Variants in ARHGAP6 observed in about 807,000 individuals in gnomAD.
ARHGAP6 encodes the protein rho GTPase-activating protein 6.
ARHGAP6 carries 16 observed loss-of-function variants against 55.7 expected under a neutral mutation model. The observed-to-expected ratio is 0.29, with a 90% CI of 0.19 to 0.44. ARHGAP6 has a LOEUF of 0.44. ARHGAP6 is among the 20% of genes least tolerant of loss of function. The probability of loss-of-function intolerance (pLI) is 1.00; values close to 1 mark genes in which losing one functional copy is unlikely to be tolerated. For synonymous variants in ARHGAP6, 382 were observed against 360.9 expected (o/e 1.06, Z -0.66); for missense variants, 698 against 808.9 (o/e 0.86, Z 1.66).
At chrX:11,596,959 G>A (rs2051911176) in intron 1 of ARHGAP6, among the ~76,000 whole-genome samples, 1 of 111,544 alleles carries the variant, frequency 9.0e-6, no homozygotes, top group African/African-American at 3.3e-5. Context: ...TGATCAACTC[G>A]TACCAGTTTT....
Position 11,374,986 on chromosome X carries a change from A to C in ARHGAP6, c.589-120279T>G, listed in dbSNP as rs770216561. Among the ~76,000 whole-genome samples, 8 of 112,327 alleles carry C rather than the reference A, an allele frequency of 7.1e-5. No homozygotes were observed. In the East Asian group the frequency reaches 2.2e-3, roughly 31 times the overall value. ...CTTGTCAGTCTCCCTATTCTACAGC[A>C]TAATCTCTTTAAAAGAAAGTATTGT... On this transcript the variant is annotated intron_variant, in intron 1 of 12. Transcript: ENST00000337414.
intron 1 of ARHGAP6, among the ~76,000 whole-genome samples, chrX:11,534,450 T>TTTC (rs1251651706): frequency 9.0e-6 from 1 of 111,273 alleles, no homozygotes; most frequent in Non-Finnish European, 1.9e-5. Context: ...TGGCGGAGGC[T>TTTC]TTCCTGTGCA....
intron 1 of ARHGAP6, among the ~76,000 whole-genome samples, chrX:11,407,350 T>C (rs1471272148): frequency 8.9e-6 from 1 of 112,560 alleles, no homozygotes; most frequent in African/African-American, 3.2e-5. Context: ...TCCTATTGAA[T>C]AATATTCTCT....
intron 1 of ARHGAP6, among the ~76,000 whole-genome samples, chrX:11,480,358 A>G (rs1012160554): frequency 8.9e-6 from 1 of 112,038 alleles, no homozygotes; most frequent in Non-Finnish European, 1.9e-5. Flanking sequence ...CATACTGTAT[A>G]ATTCCATTTA....
chrX:11,217,618 T>A (rs1440789419), intron 2 of ARHGAP6, among the ~76,000 whole-genome samples: 2 of 112,176 alleles, frequency 1.8e-5, no homozygotes, highest in Non-Finnish European at 3.8e-5. Context: ...ATTAGCCTTT[T>A]GTTAGATGGA....
intron 1 of ARHGAP6, among the ~76,000 whole-genome samples, chrX:11,443,385 G>A (rs931351833): frequency 6.3e-5 from 7 of 111,927 alleles, no homozygotes; most frequent in East Asian, 2.8e-4. Flanking sequence ...GTGAATATAC[G>A]TAGGCATTTC....
intron 1 of ARHGAP6, among the ~76,000 whole-genome samples, chrX:11,389,014 C>T (rs1357529638): frequency 5.4e-5 from 6 of 111,688 alleles, no homozygotes; most frequent in Non-Finnish European, 1.1e-4. Context: ...CTCTACTGAT[C>T]AGTGATTCTC....
chrX:11,646,277 CAT>C (rs2052526085), intron 1 of ARHGAP6, among the ~76,000 whole-genome samples: 1 of 111,223 alleles, frequency 9.0e-6, no homozygotes, highest in African/African-American at 3.3e-5. Context: ...TCCCTCGACA[CAT>C]GAGGATTAAA....
At chrX:11,162,479 C>G (rs1053086117) in intron 9 of ARHGAP6, among the ~76,000 whole-genome samples, 1 of 110,986 alleles carries the variant, frequency 9.0e-6, no homozygotes, top group African/African-American at 3.3e-5. Flanking sequence ...ACTCTTTCCT[C>G]TCTGGAAGGT....
rs144766729 is a variant in ARHGAP6 at position 11,185,553 on chromosome X, C to T, written c.1273+683G>A. ...GTTAAAAAAAGTAATTAAGCTTTTC[C>T]CATGTATATAAAACACGTGCTAACA... is the stretch of plus-strand genomic sequence containing the variant. On this transcript the variant is annotated intron_variant, in intron 5 of 12. Coordinates refer to ENST00000337414, the MANE Select transcript of ARHGAP6 (RefSeq NM_013427.3). 9.8e-3 allele frequency among the ~76,000 whole-genome samples: 1,095 copies of T among 111,579 alleles called. 12 individuals carry two copies. The highest frequency in any genetic ancestry group is 0.034 in the African/African-American group (1,058 of 30,701).
chrX:11,629,634 A>T (rs2052338865), intron 1 of ARHGAP6, among the ~76,000 whole-genome samples: 1 of 110,652 alleles, frequency 9.0e-6, no homozygotes, highest in Non-Finnish European at 1.9e-5. Flanking sequence ...GAAGCATTCC[A>T]TTATTAAAGC....
intron 1 of ARHGAP6, among the ~76,000 whole-genome samples, chrX:11,601,173 G>A (rs1033047864): frequency 6.3e-5 from 7 of 111,540 alleles, no homozygotes; most frequent in East Asian, 2.8e-4. Context: ...GTGACTGATC[G>A]GGATAAGTCC....
At chrX:11,146,172 C>T (rs1235599693) in intron 10 of ARHGAP6, among the ~76,000 whole-genome samples, 1 of 112,255 alleles carries the variant, frequency 8.9e-6, no homozygotes, top group Non-Finnish European at 1.9e-5. Context: ...TAAGCAGGAT[C>T]CAGACAACTG....
chrX:11,523,652 C>T (rs1298583472), intron 1 of ARHGAP6, among the ~76,000 whole-genome samples: 2 of 111,859 alleles, frequency 1.8e-5, no homozygotes, highest in Non-Finnish European at 3.8e-5. Context: ...GCATCTCTTA[C>T]ATCTGCCTGT....
At chrX:11,438,325 C>T (rs2050007305) in intron 1 of ARHGAP6, among the ~76,000 whole-genome samples, 1 of 112,658 alleles carries the variant, frequency 8.9e-6, no homozygotes, top group Non-Finnish European at 1.9e-5. Context: ...TTGTTTCCTT[C>T]TCTTAAATTA....
intron 1 of ARHGAP6, among the ~76,000 whole-genome samples, chrX:11,600,056 C>G (rs139669036): frequency 1.8e-5 from 2 of 111,492 alleles, no homozygotes; most frequent in African/African-American, 6.5e-5. Flanking sequence ...TCTAGGGAAG[C>G]TCTTTTTTCT....
At chrX:11,321,798 C>T (rs1009060593) in intron 1 of ARHGAP6, among the ~76,000 whole-genome samples, 1 of 111,818 alleles carries the variant, frequency 8.9e-6, no homozygotes, top group Non-Finnish European at 1.9e-5. Context: ...ACAGGAATGG[C>T]GCACTTTCAT....
intron 1 of ARHGAP6, among the ~76,000 whole-genome samples, chrX:11,434,389 G>A (rs933373607): frequency 3.6e-5 from 4 of 111,488 alleles, no homozygotes; most frequent in East Asian, 2.8e-4. Flanking sequence ...TCCACCCATC[G>A]TTGAAGACCC....
intron 10 of ARHGAP6, among the ~76,000 whole-genome samples, chrX:11,152,997 C>T (rs1303967543): frequency 8.9e-6 from 1 of 111,732 alleles, no homozygotes. Flanking sequence ...GGGCCAGCAC[C>T]TATTGTTTGG....
Sources: gnomAD v4.1 joint callset for allele counts (sites outside exome capture counted in the v4.1 genomes callset) on GRCh38, gnomAD v4.1.1 for gene constraint, MANE v1.5 for transcripts, NCBI Gene and HGNC (gene_info 2026-07-23, HGNC 2026-07-21) for gene names.